Variants in SKA2 observed in about 807,000 individuals in gnomAD.
The protein encoded by SKA2 is spindle and kinetochore associated complex subunit 2.
Under a neutral mutation model 16.9 loss-of-function variants are expected in SKA2, and 13 were observed. The ratio of observed to expected loss-of-function variants is 0.77; its 90% CI spans 0.50 to 1.22. SKA2 has a LOEUF of 1.22. Ranked by LOEUF, SKA2 falls within the 50% of genes most tolerant of loss-of-function variation. The probability of loss-of-function intolerance (pLI) is 0.00; values close to 1 mark genes in which losing one functional copy is unlikely to be tolerated. For synonymous variants in SKA2, 47 were observed against 48.5 expected (o/e 0.97, Z 0.13); for missense variants, 107 against 139.7 (o/e 0.77, Z 1.18).
chr17:59,118,404 T>C (rs2046310940), intron 3 of SKA2: 1 of 152,222 alleles, frequency 6.6e-6, no homozygotes, highest in South Asian at 2.1e-4. Context: ...CCCTTTGCCC[T>C]CTCACCCAAG....
intron 1 of SKA2, among the ~76,000 whole-genome samples, chr17:59,140,047 G>A (rs2046476256): frequency 6.6e-6 from 1 of 152,166 alleles, no homozygotes; most frequent in Non-Finnish European, 1.5e-5. Flanking sequence ...TTCTGCTGGA[G>A]AAAGTATTGA....
chr17:59,140,677 C>T (rs1159667375), intron 1 of SKA2, among the ~76,000 whole-genome samples: 1 of 149,374 alleles, frequency 6.7e-6, no homozygotes, highest in Non-Finnish European at 1.5e-5. Context: ...GGGGTGCAAT[C>T]TCGGCTCACT....
In SKA2 at chr17:59,143,484, C is replaced by T. The variant is rs374687562; in HGVS notation, c.33+11647G>A. ...GCAACCTCCGCTTCTGGGGTTCAAG[C>T]GATTCTTCTGCCTCAGCCTCTCGAG... On this transcript the variant is annotated intron_variant, in intron 1 of 3. Coordinates refer to ENST00000330137, the MANE Select transcript of SKA2 (RefSeq NM_182620.4). Among the ~76,000 whole-genome samples, 71 of 152,226 alleles carry T rather than the reference C, an allele frequency of 4.7e-4. 1 individual carries two copies. The South Asian group carries it at 0.013, about 29-fold the overall frequency.
chr17:59,125,797 A>G (rs1488949739), intron 2 of SKA2, among the ~76,000 whole-genome samples: 2 of 152,202 alleles, frequency 1.3e-5, no homozygotes. Context: ...AGTTCAATTA[A>G]GTCTTTTGAA....
rs185366539 is a variant in SKA2 at position 59,148,425 on chromosome 17, A to G, written c.33+6706T>C. Reference sequence around the variant, plus strand: ...ACCCCATCTCTAAAAAAATAAAAATAAAAAAATTTTTTTGAGATAGGATGT... The same window carrying G: ...ACCCCATCTCTAAAAAAATAAAAATGAAAAAATTTTTTTGAGATAGGATGT... On this transcript the variant is annotated intron_variant, in intron 1 of 3. Transcript: ENST00000330137. Among the ~76,000 whole-genome samples the G allele has an allele frequency of 3.1e-4, 47 of 152,154 alleles. 1 individual carries two copies. In the East Asian group the frequency reaches 8.3e-3, roughly 27 times the overall value.
intron 1 of SKA2, among the ~76,000 whole-genome samples, chr17:59,141,269 C>T (rs1343743376): frequency 6.6e-6 from 1 of 151,980 alleles, no homozygotes; most frequent in Non-Finnish European, 1.5e-5. Context: ...TAGTGGCGTG[C>T]GCCTGTAGTC....
At chr17:59,150,539 C>T (rs1599681587) in intron 1 of SKA2, among the ~76,000 whole-genome samples, 1 of 152,092 alleles carries the variant, frequency 6.6e-6, no homozygotes. Context: ...GAGTTCAAGA[C>T]CAACCTCGGC....
intron 3 of SKA2, among the ~76,000 whole-genome samples, chr17:59,116,921 G>A (rs1294775747): frequency 6.8e-6 from 1 of 147,934 alleles, no homozygotes; most frequent in Non-Finnish European, 1.5e-5. Flanking sequence ...AGGTTCAAGC[G>A]ATTCCCGTCT....
intron 3 of SKA2, among the ~76,000 whole-genome samples, chr17:59,114,304 A>G (rs146122273): frequency 3.2e-4 from 49 of 152,322 alleles, no homozygotes; most frequent in Admixed American, 1.5e-3. Context: ...GTCATGTGTC[A>G]CTTAATGACA....
At chr17:59,128,951 G>T (rs1356189734) in intron 2 of SKA2, among the ~76,000 whole-genome samples, 1 of 152,026 alleles carries the variant, frequency 6.6e-6, no homozygotes, top group African/African-American at 2.4e-5. Flanking sequence ...TTTTTAAAAA[G>T]TTGCAGGAAA....
chr17:59,148,823 A>G (rs2046554533), intron 1 of SKA2, among the ~76,000 whole-genome samples: 1 of 150,708 alleles, frequency 6.6e-6, no homozygotes, highest in African/African-American at 2.4e-5. Context: ...AAAAAAAAAA[A>G]AAAAAAAGAA....
intron 2 of SKA2, among the ~76,000 whole-genome samples, chr17:59,122,693 G>A (rs1379944471): frequency 6.6e-6 from 1 of 152,178 alleles, no homozygotes; most frequent in Admixed American, 6.5e-5. Context: ...GGGCGGCTAA[G>A]CAGGGAGGAT....
intron 3 of SKA2, among the ~76,000 whole-genome samples, chr17:59,115,390 T>C (rs1322833496): frequency 6.6e-6 from 1 of 152,110 alleles, no homozygotes; most frequent in Admixed American, 6.6e-5. Context: ...CATTACGTTA[T>C]GTAAATAGGA....
chr17:59,125,210 G>C (rs1395440719), intron 2 of SKA2, among the ~76,000 whole-genome samples: 1 of 135,526 alleles, frequency 7.4e-6, no homozygotes, highest in East Asian at 2.2e-4. Context: ...GGCTGGTCTT[G>C]AACTCCTGGC....
intron 2 of SKA2, among the ~76,000 whole-genome samples, chr17:59,127,691 ATTT>A (rs973683590): frequency 6.7e-6 from 1 of 149,034 alleles, no homozygotes; most frequent in Non-Finnish European, 1.5e-5. Flanking sequence ...CCAGCCCACA[ATTT>A]TTTTTTTTAA....
At chr17:59,130,982 T>C (rs2147806562) in intron 2 of SKA2, among the ~76,000 whole-genome samples, 1 of 152,282 alleles carries the variant, frequency 6.6e-6, no homozygotes, top group Middle Eastern at 3.4e-3. Flanking sequence ...ACAACTGCCC[T>C]AGAGGTAGCT....
At chr17:59,114,736 C>T (rs2046285211) in intron 3 of SKA2, among the ~76,000 whole-genome samples, 2 of 152,150 alleles carry the variant, frequency 1.3e-5, no homozygotes, top group South Asian at 2.1e-4. Context: ...TTGTAAGGGA[C>T]TTTCACAGAG....
At chr17:59,120,988 G>A (rs368034414) in intron 2 of SKA2, among the ~76,000 whole-genome samples, 3 of 151,242 alleles carry the variant, frequency 2.0e-5, no homozygotes, top group Admixed American at 6.6e-5. Context: ...CCGTCTCTAC[G>A]AAAAATACAA....
At chr17:59,149,935 G>C (rs1413411956) in intron 1 of SKA2, among the ~76,000 whole-genome samples, 1 of 152,172 alleles carries the variant, frequency 6.6e-6, no homozygotes, top group East Asian at 1.9e-4. Flanking sequence ...TGCTCAGCCT[G>C]GTCTGGAACT....
Sources: gnomAD v4.1 joint callset for allele counts (sites outside exome capture counted in the v4.1 genomes callset) on GRCh38, gnomAD v4.1.1 for gene constraint, MANE v1.5 for transcripts, NCBI Gene and HGNC (gene_info 2026-07-23, HGNC 2026-07-21) for gene names.